The following MOK variants were observed in gnomAD, a reference collection of about 807,000 sequenced individuals.
MOK encodes MOK protein kinase.
Under a neutral mutation model 54.2 loss-of-function variants are expected in MOK, and 59 were observed. That is an observed-to-expected ratio of 1.09 (90% CI 0.88 to 1.35). MOK has a LOEUF of 1.35. MOK is among the 40% of genes most tolerant of loss of function. The pLI, the probability that MOK is intolerant of heterozygous loss-of-function variation, is 0.00. For synonymous variants in MOK, 210 were observed against 202.7 expected (o/e 1.04, Z -0.31); for missense variants, 517 against 526.2 (o/e 0.98, Z 0.17).
rs1461242478 is a variant in MOK at position 102,304,924 on chromosome 14, G to A, written c.7+38C>T. 4.3e-6 allele frequency: 5 copies of A among 1,176,338 alleles called. No homozygotes were observed. The African/African-American group carries it at 5.0e-5, about 12-fold the overall frequency. The allele number at this position is 1,176,338 out of a possible 1,614,324, so 72.9% of individuals were successfully genotyped here. A position where few individuals can be genotyped will look rare whatever the true frequency, so the allele number is the denominator to read the frequency against. On this transcript the variant is annotated intron_variant, in intron 1 of 11. Transcript: ENST00000361847. ...CCAGTCCCTCCCTCCCCCGCCACTC[G>A]CTCTCCAGTCCCTGCCCCTTTCCCC...
downstream of MOK, among the ~76,000 whole-genome samples, chr14:102,227,356 T>G (rs115268424): frequency 6.6e-3 from 653 of 98,988 alleles, 7 homozygotes; most frequent in African/African-American, 0.024. Flanking sequence ...CTCCCCAGCC[T>G]TCTGTCCCCC....
chr14:102,303,449 T>C (rs1392089563), intron 1 of MOK, among the ~76,000 whole-genome samples: 3 of 152,140 alleles, frequency 2.0e-5, no homozygotes, highest in Non-Finnish European at 4.4e-5. Context: ...AATGAAAATA[T>C]CATTGTCATG....
chr14:102,221,072 G>A (rs144956996), downstream of MOK, among the ~76,000 whole-genome samples: 88 of 152,308 alleles, frequency 5.8e-4, 1 homozygote, highest in African/African-American at 2.0e-3. The surrounding 1 kb of genome is among the most constrained non-coding windows in gnomAD (Gnocchi z 4.8). Context: ...ACGTGCTCCC[G>A]GGAAGCTAAA....
chr14:102,241,529 TA>T (rs768617189), intron 7 of MOK, among the ~76,000 whole-genome samples: 3 of 152,202 alleles, frequency 2.0e-5, no homozygotes, highest in Non-Finnish European at 4.4e-5. Flanking sequence ...TCATCAAATA[TA>T]AAAACTCAAC....
At position 102,249,214 on chromosome 14, in the gene MOK, TC is replaced by T. The variant is rs1180797674; in HGVS notation, c.590+1597del. ...CAAAAGACAGATCCACATTCCGTCA[TC>T]TGTTCAGCATGATGTCTGTGGTGAA... On this transcript the variant is annotated intron_variant, in intron 7 of 11. Transcript: ENST00000361847. The surrounding 1 kb of genome is among the most constrained non-coding windows in gnomAD (Gnocchi z 5.3). Among the ~76,000 whole-genome samples the T allele has an allele frequency of 2.6e-5, 4 of 152,202 alleles. No homozygotes were observed. The highest frequency in any genetic ancestry group is 5.9e-5 in the Non-Finnish European group (4 of 68,042).
In MOK at chr14:102,232,541, T is replaced by G; in HGVS notation, c.860A>C (p.Glu287Ala). 6.2e-7 allele frequency: 1 copy of G among 1,613,230 alleles called. No individual in the cohort carries two copies. Among genetic ancestry groups the G allele is most frequent in the Non-Finnish European group, 8.5e-7 (1 of 1,179,448 alleles). ...AACCCACGAGAGTGCCTACCTCTGT[T>G]CTTGGAAGTAGGGGTGCTGCAGGGC... ...HQALQHPYFQ[E>A]QRKTEKRALG... The change falls in exon 9 of 12, where the codon GAA becomes GCA. Residue 287 changes from glutamate to alanine, a missense_variant. Glu to Ala is a moderately radical substitution (Grantham distance 107). Transcript: ENST00000361847. This position sits in a 1 kb window ranked among gnomAD's most constrained non-coding sequence, Gnocchi z 5.1.
intron 1 of MOK, 52 bp from the exon 2 acceptor site, chr14:102,283,644 T>A (rs761482034): frequency 2.2e-5 from 25 of 1,160,882 alleles, no homozygotes; most frequent in Non-Finnish European, 3.2e-5. Context: ...CATACACTTG[T>A]ATTCACTTCC....
rs2064729430 is a variant in MOK at position 102,231,709 on chromosome 14, G to A, written c.979C>T (p.Gln327Ter). ...SCQISKEGRK[Q>*]KQSLKQEEDR... ...CCGGCTCCGATTTCGCTTAGTACCT[G>A]CTTTCTGCCCTCCTTGGAAATCTGG... is the stretch of plus-strand genomic sequence containing the variant. Residue 327 changes from glutamine (Q) to a stop codon, truncating the protein, a stop_gained and splice_region_variant, in exon 10 of 12, where the codon CAG becomes TAG. Transcript: ENST00000361847. LOFTEE classifies it high-confidence loss of function. The surrounding 1 kb of genome is among the most constrained non-coding windows in gnomAD (Gnocchi z 4.4). The A allele has an allele frequency of 1.2e-6, 2 of 1,610,918 alleles. No individual in the cohort carries two copies.
In MOK at chr14:102,250,941, G is replaced by C; in HGVS notation, c.461C>G (p.Ser154Cys). Residue 154 changes from serine (S) to cysteine (C), a missense_variant, in exon 7 of 12, where the codon TCC (serine) becomes TGC (cysteine). Ser to Cys is a moderately radical substitution (Grantham distance 112, BLOSUM62 -1). Transcript: ENST00000361847. ...GATGTATTCCGTGTACGGCTGCTTG[G>C]AATAGACACTCCGGCAGGAGCCAAA... The part of the protein sequence containing the change: ...GDFGSCRSVY[S>C]KQPYTEYIST... 1 of 1,614,140 alleles carries C rather than the reference G, an allele frequency of 6.2e-7. No individual in the cohort carries two copies. The highest frequency in any genetic ancestry group is 8.5e-7 in the Non-Finnish European group (1 of 1,180,032).
At position 102,291,975 on chromosome 14, in the gene MOK, CAAT is replaced by C. The variant is rs1185377075; in HGVS notation, c.8-8386_8-8384del. Among the ~76,000 whole-genome samples, 4 of 148,378 alleles carry C rather than the reference CAAT, an allele frequency of 2.7e-5. No homozygotes were observed. The East Asian group carries it at 8.0e-4, about 30-fold the overall frequency. On this transcript the variant is annotated intron_variant, in intron 1 of 11. Coordinates refer to ENST00000361847, the MANE Select transcript of MOK (RefSeq NM_014226.3). ...TCTGTCTCAAAAAAAAAAAAACTAA[CAAT>C]AATAATAATAAAGACTTCTTAGCAC... is the stretch of plus-strand genomic sequence containing the variant.
chr14:102,270,962 C>T (rs533637666), intron 2 of MOK, among the ~76,000 whole-genome samples: 4 of 152,084 alleles, frequency 2.6e-5, no homozygotes, highest in Non-Finnish European at 5.9e-5. Context: ...GAGGCCGAGA[C>T]GGGTGGATAA....
At chr14:102,218,183 T>TAAAG in the MOK span, among the ~76,000 whole-genome samples, 28 of 152,314 alleles carry the variant, frequency 1.8e-4, no homozygotes, top group African/African-American at 6.3e-4. Context: ...CGTCTTACTT[T>TAAAG]TGTTTGGGTT....
intron 2 of MOK, among the ~76,000 whole-genome samples, chr14:102,270,550 G>A (rs1308207668): frequency 1.3e-5 from 2 of 151,566 alleles, no homozygotes; most frequent in Non-Finnish European, 2.9e-5. Flanking sequence ...GCAGTGAGGC[G>A]AGATTGTGCC....
intron 2 of MOK, among the ~76,000 whole-genome samples, chr14:102,271,235 T>C (rs1250555600): frequency 1.3e-5 from 2 of 152,200 alleles, no homozygotes; most frequent in Admixed American, 6.5e-5. Context: ...AAAAATCATA[T>C]GGAAATCCTT....
chr14:102,239,947 T>G (rs900811711), intron 7 of MOK, among the ~76,000 whole-genome samples: 1 of 151,970 alleles, frequency 6.6e-6, no homozygotes, highest in African/African-American at 2.4e-5. Flanking sequence ...CCTTTCCAGG[T>G]CATCCTTACT....
At chr14:102,242,088 C>T (rs943949933) in intron 7 of MOK, among the ~76,000 whole-genome samples, 1 of 152,230 alleles carries the variant, frequency 6.6e-6, no homozygotes, top group Non-Finnish European at 1.5e-5. Flanking sequence ...ATCTTCTTGG[C>T]TTTAGCGGCT....
At chr14:102,272,820 TC>T (rs1413768990) in intron 2 of MOK, among the ~76,000 whole-genome samples, 1 of 152,062 alleles carries the variant, frequency 6.6e-6, no homozygotes, top group Non-Finnish European at 1.5e-5. Flanking sequence ...GCTGAACACT[TC>T]CCCGCTACTT....
At chr14:102,275,563 CAAA>C (rs35983579) in intron 2 of MOK, among the ~76,000 whole-genome samples, 1 of 71,498 alleles carries the variant, frequency 1.4e-5, no homozygotes. Flanking sequence ...GACTCCATCT[CAAA>C]AAAAAAAAAA....
chr14:102,261,399 A>G (rs2067390464), intron 4 of MOK, among the ~76,000 whole-genome samples: 1 of 72,384 alleles, frequency 1.4e-5, no homozygotes, highest in Non-Finnish European at 2.6e-5. Context: ...AAAAAAAAAA[A>G]AAAAAAAAAA....
Sources: gnomAD v4.1 joint callset for allele counts (sites outside exome capture counted in the v4.1 genomes callset) on GRCh38, gnomAD v4.1.1 for gene constraint, Gnocchi (gnomAD v3.1) non-coding constraint, MANE v1.5 for transcripts, NCBI Gene and HGNC (gene_info 2026-07-23, HGNC 2026-07-21) for gene names.